ACTN4: variants seen among roughly 807,000 people sequenced by gnomAD.
ACTN4 encodes the protein actinin alpha 4, also known as alpha-actinin-4.
A neutral mutation model predicts 114.2 loss-of-function variants in ACTN4; 18 were observed. The observed-to-expected ratio is 0.16, with a 90% confidence interval of 0.11 to 0.23. The LOEUF is 0.23. ACTN4 is among the 10% of genes least tolerant of loss of function. ACTN4 has a pLI of 1.00. For missense variants in ACTN4, 722 were observed against 1,262.9 expected (o/e 0.57, Z 6.49); for synonymous variants, 515 against 506.3 (o/e 1.02, Z -0.23).
chr19:38,680,225 T>TG (rs1568697225), intron 1 of ACTN4, among the ~76,000 whole-genome samples: 1 of 34,456 alleles, frequency 2.9e-5, no homozygotes, highest in African/African-American at 5.4e-5. Context: ...TTTTTTTTTT[T>TG]TTTTTTTTTT....
In ACTN4 at chr19:38,727,231, CAG is replaced by C; in HGVS notation, c.2337+129_2337+130del. On this transcript the variant is annotated intron_variant, in intron 18 of 20. Transcript: ENST00000252699. The surrounding 1 kb of genome is among the most constrained non-coding windows in gnomAD (Gnocchi z 5.4). ...GAGCGTCGGCCGCCACTCCCAGGGC[CAG>C]CAGGGCCCTGCCACTGTCAGGGTGT... 2.8e-6 allele frequency: 4 copies of C among 1,419,408 alleles called. No homozygotes were observed. Among genetic ancestry groups the C allele is most frequent in the Non-Finnish European group, 2.9e-6 (3 of 1,030,570 alleles). 87.9% of individuals were successfully genotyped at this position (1,419,408 alleles called of 1,614,324 possible). A position where few individuals can be genotyped will look rare whatever the true frequency, so the allele number is the denominator to read the frequency against.
intron 1 of ACTN4, among the ~76,000 whole-genome samples, chr19:38,685,143 A>C (rs1188990967): frequency 1.3e-5 from 2 of 152,042 alleles, no homozygotes; most frequent in Non-Finnish European, 2.9e-5. Flanking sequence ...ATAGGGTTTC[A>C]CCATGTTGAC....
chr19:38,725,647 C>T (rs879891250), intron 16 of ACTN4, 77 bp from the exon 17 acceptor site: 3 of 1,527,520 alleles, frequency 2.0e-6, no homozygotes, highest in African/African-American at 1.4e-5. Flanking sequence ...AGGCCAGCAG[C>T]GCGAGTGGGC....
intron 1 of ACTN4, among the ~76,000 whole-genome samples, chr19:38,679,353 G>T (rs1236079415): frequency 6.6e-6 from 1 of 152,172 alleles, no homozygotes; most frequent in African/African-American, 2.4e-5. Context: ...AGGAGCTGGG[G>T]ATACAGGTGC....
intron 1 of ACTN4, among the ~76,000 whole-genome samples, chr19:38,667,729 G>A (rs1179234766): frequency 1.3e-5 from 2 of 148,786 alleles, no homozygotes; most frequent in South Asian, 4.2e-4. Flanking sequence ...AAACCATTTT[G>A]GAGAACTACC....
At chr19:38,689,934 CCTAGCTGGGG>C (rs1943960979) in intron 1 of ACTN4, among the ~76,000 whole-genome samples, 1 of 152,150 alleles carries the variant, frequency 6.6e-6, no homozygotes, top group African/African-American at 2.4e-5. Flanking sequence ...AATTGCTAAG[CCTAGCTGGGG>C]AAGGTGATCG....
intron 1 of ACTN4, among the ~76,000 whole-genome samples, chr19:38,659,432 A>G (rs992060970): frequency 3.4e-4 from 51 of 152,156 alleles, no homozygotes; most frequent in African/African-American, 1.0e-3. Context: ...CTGTGAGCCA[A>G]TTGAGGGATG....
At chr19:38,667,879 A>C (rs756943506) in intron 1 of ACTN4, among the ~76,000 whole-genome samples, 7 of 152,192 alleles carry the variant, frequency 4.6e-5, no homozygotes, top group African/African-American at 9.7e-5. Context: ...GTATAAACAC[A>C]GTCTTAAAAT....
At chr19:38,651,260 G>A (rs1393695255) in intron 1 of ACTN4, among the ~76,000 whole-genome samples, 1 of 152,204 alleles carries the variant, frequency 6.6e-6, no homozygotes, top group Non-Finnish European at 1.5e-5. Flanking sequence ...GAGGGGACGT[G>A]TGTCTCACTT....
intron 1 of ACTN4, among the ~76,000 whole-genome samples, chr19:38,689,993 A>T (rs1053889129): frequency 2.0e-5 from 3 of 152,198 alleles, no homozygotes; most frequent in African/African-American, 7.2e-5. Context: ...CTCAGCTCAC[A>T]CCTGACCAAT....
At chr19:38,667,059 T>C (rs1966984879) in intron 1 of ACTN4, among the ~76,000 whole-genome samples, 1 of 152,150 alleles carries the variant, frequency 6.6e-6, no homozygotes, top group Non-Finnish European at 1.5e-5. Flanking sequence ...ATTAAGGTGC[T>C]CATTAAAAGT....
At position 38,727,630 on chromosome 19, in the gene ACTN4, C is replaced by CG. The variant is rs1366409277; in HGVS notation, c.2338-316_2338-315insG. On this transcript the variant is annotated intron_variant, in intron 18 of 20. Coordinates refer to ENST00000252699, the MANE Select transcript of ACTN4 (RefSeq NM_004924.6). The surrounding 1 kb of genome is among the most constrained non-coding windows in gnomAD (Gnocchi z 5.4). ...CCAAATCCCAAAGGCAAGGAGAACC[C>CG]CCCCCCCGACCCTCCACCAGTCCTG... 1.5e-5 allele frequency among the ~76,000 whole-genome samples: 2 copies of CG among 137,674 alleles called. No homozygotes were observed. Among genetic ancestry groups the CG allele is most frequent in the East Asian group, 2.2e-4 (1 of 4,574 alleles). 90.3% of individuals were successfully genotyped at this position (137,674 alleles called of 152,430 possible). A position where few individuals can be genotyped will look rare whatever the true frequency, so the allele number is the denominator to read the frequency against.
intron 1 of ACTN4, among the ~76,000 whole-genome samples, chr19:38,672,170 G>A (rs899375738): frequency 2.0e-5 from 3 of 152,092 alleles, no homozygotes; most frequent in Admixed American, 6.6e-5. Flanking sequence ...CGAACATGGC[G>A]GGAGTTCTCA....
chr19:38,694,880 G>A (rs776372859), intron 1 of ACTN4, among the ~76,000 whole-genome samples: 1 of 134,884 alleles, frequency 7.4e-6, no homozygotes, highest in African/African-American at 2.7e-5. Flanking sequence ...GTAATTTTGC[G>A]GGGGGGCGGG....
At chr19:38,649,901 G>A (rs569672757) in intron 1 of ACTN4, among the ~76,000 whole-genome samples, 1 of 152,272 alleles carries the variant, frequency 6.6e-6, no homozygotes, top group South Asian at 2.1e-4. Flanking sequence ...TGAGGGGCAT[G>A]GCAGTGGCTT....
At position 38,730,778 on chromosome 19, in the gene ACTN4, G is replaced by A; in HGVS notation, c.*1346G>A. On this transcript the variant is annotated 3_prime_UTR_variant, in exon 21 of 21. Coordinates refer to ENST00000252699, the MANE Select transcript of ACTN4 (RefSeq NM_004924.6). ...GGATGCCAGAGAGAGTGGCACCCAT[G>A]CCAGGCAAGGCCTAGGGAGGTGGTC... 4 of 1,528,180 alleles carry A rather than the reference G, an allele frequency of 2.6e-6. No individual in the cohort carries two copies. Among genetic ancestry groups the A allele is most frequent in the Non-Finnish European group, 2.7e-6 (3 of 1,128,912 alleles). 94.7% of individuals were successfully genotyped at this position (1,528,180 alleles called of 1,614,324 possible).
At chr19:38,685,283 T>A (rs764441154) in intron 1 of ACTN4, among the ~76,000 whole-genome samples, 2 of 152,164 alleles carry the variant, frequency 1.3e-5, no homozygotes, top group Non-Finnish European at 2.9e-5. Context: ...TCCTAGTGCT[T>A]GGGAGCCAAC....
intron 3 of ACTN4, among the ~76,000 whole-genome samples, chr19:38,703,293 C>T (rs758365072): frequency 6.9e-6 from 1 of 145,416 alleles, no homozygotes. Flanking sequence ...GGCTGGAGTG[C>T]AATGGTGCAA....
chr19:38,720,212 C>T (rs1274431215), intron 11 of ACTN4, among the ~76,000 whole-genome samples: 2 of 152,230 alleles, frequency 1.3e-5, no homozygotes, highest in Non-Finnish European at 2.9e-5. Flanking sequence ...GGAGGGTCGT[C>T]GTGGATGCTT....
Sources: allele counts gnomAD v4.1 joint callset (sites outside exome capture counted in the v4.1 genomes callset), GRCh38; gene constraint gnomAD v4.1.1; non-coding constraint Gnocchi (gnomAD v3.1); transcripts MANE v1.5; gene names NCBI Gene and HGNC (gene_info 2026-07-23, HGNC 2026-07-21).